The following DNAJC24 variants were observed in gnomAD, a reference collection of about 807,000 sequenced individuals.
DNAJC24 encodes dnaJ homolog subfamily C member 24.
DNAJC24 carries 17 observed loss-of-function variants against 18.0 expected under a neutral mutation model. That is an observed-to-expected ratio of 0.94 (90% CI 0.65 to 1.42). The LOEUF (loss-of-function observed/expected upper bound fraction) is 1.42, where lower values mean the gene tolerates loss of function less well. Among genes scored for constraint, DNAJC24 ranks in the 40% most tolerant of loss-of-function variants. The pLI, the probability that DNAJC24 is intolerant of heterozygous loss-of-function variation, is 0.00. For missense variants in DNAJC24, 158 were observed against 175.6 expected (o/e 0.90, Z 0.57); for synonymous variants, 55 against 57.7 (o/e 0.95, Z 0.21).
intron 3 of DNAJC24, among the ~76,000 whole-genome samples, chr11:31,423,337 T>C (rs1196141160): frequency 6.6e-6 from 1 of 152,176 alleles, no homozygotes; most frequent in Non-Finnish European, 1.5e-5. Context: ...CTCGACTCAC[T>C]GCAACCTCTG....
intron 3 of DNAJC24, among the ~76,000 whole-genome samples, chr11:31,421,127 G>A (rs920582861): frequency 6.6e-6 from 1 of 152,132 alleles, no homozygotes; most frequent in Admixed American, 6.6e-5. Context: ...CCAATTAAAT[G>A]TTGCCTATTT....
rs1952400556 is a variant in DNAJC24, at chr11:31,383,659, G to A, written c.111+12800G>A. Among the ~76,000 whole-genome samples the A allele has an allele frequency of 1.3e-5, 2 of 152,216 alleles. 1 individual carries two copies. Among genetic ancestry groups the A allele is most frequent in the South Asian group, 4.1e-4 (2 of 4,828 alleles). ...TATTACCAGTTACAGGAATTGGAAAGCAAGGTTGCACAGAAAGTTTTGCTT... is the reference window on the plus strand; with the variant it reads ...TATTACCAGTTACAGGAATTGGAAAACAAGGTTGCACAGAAAGTTTTGCTT... On this transcript the variant is annotated intron_variant, in intron 2 of 4. Coordinates refer to ENST00000465995, the MANE Select transcript of DNAJC24 (RefSeq NM_181706.5).
At chr11:31,408,218 T>A (rs1435017723) in intron 2 of DNAJC24, 1 of 456,158 alleles carries the variant, frequency 2.2e-6, no homozygotes. Flanking sequence ...ATGAATTCCT[T>A]GTTTTAAGCA....
At chr11:31,426,916 C>G (rs936734022) in intron 4 of DNAJC24, 2 of 145,560 alleles carry the variant, frequency 1.4e-5, no homozygotes, top group African/African-American at 5.1e-5. Context: ...TTTTGCTTTT[C>G]TGTTATTAAA....
chr11:31,390,315 G>T (rs1411532360), intron 2 of DNAJC24, among the ~76,000 whole-genome samples: 1 of 143,682 alleles, frequency 7.0e-6, no homozygotes, highest in East Asian at 2.1e-4. Context: ...AGAATTGCTT[G>T]AACCCGGGAG....
intron 3 of DNAJC24, among the ~76,000 whole-genome samples, 196 bp from the exon 4 acceptor site, chr11:31,426,091 T>G (rs1340453118): frequency 1.3e-5 from 2 of 152,188 alleles, no homozygotes. Flanking sequence ...TTATAAGAAA[T>G]GTTATGTTCT....
intron 4 of DNAJC24, among the ~76,000 whole-genome samples, chr11:31,429,114 T>C (rs1952893097): frequency 6.6e-6 from 1 of 152,088 alleles, no homozygotes; most frequent in African/African-American, 2.4e-5. Context: ...ACAGGGAAGA[T>C]GTTTGCATTT....
At chr11:31,419,272 G>GT (rs965042999) in intron 3 of DNAJC24, among the ~76,000 whole-genome samples, 11 of 151,732 alleles carry the variant, frequency 7.2e-5, no homozygotes, top group African/African-American at 2.4e-4. Context: ...CGGGGGGTAT[G>GT]TTTTTTTTGG....
chr11:31,392,411 A>G (rs1952506070), intron 2 of DNAJC24, among the ~76,000 whole-genome samples: 1 of 152,156 alleles, frequency 6.6e-6, no homozygotes, highest in Non-Finnish European at 1.5e-5. Context: ...AATATATACC[A>G]AGTCATAAGG....
intron 2 of DNAJC24, chr11:31,396,175 A>C: frequency 7.7e-6 from 3 of 391,948 alleles, no homozygotes; most frequent in Non-Finnish European, 1.5e-5. Context: ...GTGACATCTG[A>C]TACTGTTGTA....
intron 3 of DNAJC24, among the ~76,000 whole-genome samples, chr11:31,425,829 A>G (rs962736837): frequency 6.6e-6 from 1 of 152,228 alleles, no homozygotes; most frequent in Non-Finnish European, 1.5e-5. Flanking sequence ...TTAGAGATGA[A>G]CAAACCAATA....
intron 2 of DNAJC24, among the ~76,000 whole-genome samples, chr11:31,375,353 C>T (rs1952303218): frequency 7.4e-6 from 1 of 135,298 alleles, no homozygotes; most frequent in African/African-American, 2.5e-5. Context: ...CCCCAGCTCC[C>T]TGCCATGTCT....
At chr11:31,371,075 T>G (rs1171976909) in intron 2 of DNAJC24, among the ~76,000 whole-genome samples, 2 of 152,218 alleles carry the variant, frequency 1.3e-5, no homozygotes, top group African/African-American at 4.8e-5. Flanking sequence ...CTGCTTGAGT[T>G]AGAATCTTGA....
chr11:31,420,245 C>T lies in DNAJC24; in HGVS notation c.250+5296C>T, dbSNP rs529088141. ...TTATACTGCTTGTTATTAATCAGAACCATCCTCCTGTTCTGATTCTTATTC... is the reference window on the plus strand; with the variant it reads ...TTATACTGCTTGTTATTAATCAGAATCATCCTCCTGTTCTGATTCTTATTC... On this transcript the variant is annotated intron_variant, in intron 3 of 4. Transcript: ENST00000465995. 1.5e-4 allele frequency among the ~76,000 whole-genome samples: 23 copies of T among 152,124 alleles called. No homozygotes were observed. The East Asian group carries it at 4.3e-3, about 28-fold the overall frequency.
intron 2 of DNAJC24, among the ~76,000 whole-genome samples, chr11:31,388,026 A>G (rs1156905845): frequency 3.9e-5 from 6 of 152,136 alleles, no homozygotes; most frequent in Admixed American, 3.9e-4. Context: ...ATAAAGAATT[A>G]GTGAGCTTGA....
At chr11:31,425,293 A>T (rs1952850862) in intron 3 of DNAJC24, among the ~76,000 whole-genome samples, 1 of 152,344 alleles carries the variant, frequency 6.6e-6, no homozygotes, top group Admixed American at 6.5e-5. Context: ...TCTTGCAAAC[A>T]ATCAAATGTA....
chr11:31,402,509 T>C (rs1952609137), intron 2 of DNAJC24, among the ~76,000 whole-genome samples: 1 of 152,146 alleles, frequency 6.6e-6, no homozygotes, highest in Admixed American at 6.5e-5. Flanking sequence ...CTTTACAAAG[T>C]TTTTTAAAAA....
At chr11:31,413,626 C>T (rs1952729884) in intron 2 of DNAJC24, among the ~76,000 whole-genome samples, 1 of 152,020 alleles carries the variant, frequency 6.6e-6, no homozygotes, top group East Asian at 1.9e-4. Context: ...GCCACTGCAC[C>T]CGGCCATAAA....
At chr11:31,424,264 TA>T (rs1952839312) in intron 3 of DNAJC24, among the ~76,000 whole-genome samples, 1 of 152,178 alleles carries the variant, frequency 6.6e-6, no homozygotes, top group South Asian at 2.1e-4. Flanking sequence ...CAAAATTTCT[TA>T]AAATGTCTAT....
Sources: allele counts gnomAD v4.1 joint callset (sites outside exome capture counted in the v4.1 genomes callset), GRCh38; gene constraint gnomAD v4.1.1; transcripts MANE v1.5; gene names NCBI Gene and HGNC (gene_info 2026-07-23, HGNC 2026-07-21).